USP42: variants seen among roughly 807,000 people sequenced by gnomAD.
The protein encoded by USP42 is ubiquitin specific peptidase 42.
Under a neutral mutation model 113.0 loss-of-function variants are expected in USP42, and 23 were observed. The observed-to-expected ratio is 0.20, with a 90% CI of 0.15 to 0.29. The LOEUF is 0.29. USP42 is among the 10% of genes least tolerant of loss of function. The pLI is 1.00. For missense variants in USP42, 2,174 were observed against 1,779.8 expected (o/e 1.22, Z -3.99); for synonymous variants, 933 against 699.0 (o/e 1.33, Z -5.28).
At chr7:6,093,964 A>G in the USP42 span, among the ~76,000 whole-genome samples, 1 of 149,100 alleles carries the variant, frequency 6.7e-6, no homozygotes, top group African/African-American at 2.5e-5. Context: ...ATGTGGGCTC[A>G]CTGCAACCTC....
intron 3 of USP42, among the ~76,000 whole-genome samples, chr7:6,118,768 C>T (rs763337470): frequency 2.6e-5 from 4 of 152,062 alleles, no homozygotes; most frequent in Middle Eastern, 3.4e-3. Context: ...TGTCTTTGCA[C>T]CTTTATCAAA....
At position 6,157,148 on chromosome 7, in the gene USP42, G is replaced by A; in HGVS notation, c.3943+93G>A. On this transcript the variant is annotated intron_variant, in intron 16 of 17. Transcript: ENST00000306177. This position sits in a 1 kb window ranked among gnomAD's most constrained non-coding sequence, Gnocchi z 4.1. ...ATTAACATGTAGAAAGAAAACCTCA[G>A]GTGGCATCAAAGGGCACAGTTACTC... 4 of 1,446,776 alleles carry A rather than the reference G, an allele frequency of 2.8e-6. No individual in the cohort carries two copies. The highest frequency in any genetic ancestry group is 3.0e-5 in the South Asian group (2 of 67,170). 89.6% of individuals were successfully genotyped at this position (1,446,776 alleles called of 1,614,324 possible). A position where few individuals can be genotyped will look rare whatever the true frequency, so the allele number is the denominator to read the frequency against.
upstream of USP42, among the ~76,000 whole-genome samples, chr7:6,100,357 T>C (rs915466605): frequency 6.7e-6 from 1 of 150,150 alleles, no homozygotes; most frequent in Admixed American, 6.6e-5. Context: ...AATACGGAGT[T>C]TCGCTCTTGT....
rs1248851846 is a variant in USP42 at position 6,140,173 on chromosome 7, T to C, written c.702T>C (p.Phe234=). Residue 234 remains phenylalanine, a synonymous_variant, in exon 6 of 18, where the codon TTT becomes TTC. Coordinates refer to ENST00000306177, the MANE Select transcript of USP42 (RefSeq NM_032172.3). ...CCACCACTCTTGTTTGTCAGATATT[T>C]GGAGGATACCTAAGATCTAGAGGTA... The part of the protein sequence containing the change: ...TQATTLVCQI[F]GGYLRSRVKC... 6.2e-7 allele frequency: 1 copy of C among 1,613,910 alleles called. No homozygotes were observed. Among genetic ancestry groups the C allele is most frequent in the Admixed American group, 1.7e-5 (1 of 60,026 alleles).
At chr7:6,122,821 C>T (rs1298137872) in intron 3 of USP42, among the ~76,000 whole-genome samples, 1 of 151,512 alleles carries the variant, frequency 6.6e-6, no homozygotes, top group African/African-American at 2.4e-5. Context: ...TCAGGCTCAT[C>T]TCAAACTCCT....
the USP42 span, among the ~76,000 whole-genome samples, chr7:6,082,938 CAT>C: frequency 0.03 from 4,389 of 144,460 alleles, 229 homozygotes; most frequent in Middle Eastern, 0.071. Flanking sequence ...TATATAGATA[CAT>C]ATATATATAT....
chr7:6,150,279 A>G lies in USP42; in HGVS notation c.2083A>G (p.Lys695Glu), dbSNP rs754423788. The G allele has an allele frequency of 1.2e-6, 2 of 1,613,296 alleles. No individual in the cohort carries two copies. Among genetic ancestry groups the G allele is most frequent in the Non-Finnish European group, 1.7e-6 (2 of 1,179,746 alleles). The change falls in exon 13 of 18, where the codon AAG becomes GAG. Residue 695 changes from lysine to glutamate, a missense_variant. Lys to Glu is a moderately conservative substitution (Grantham distance 56). Coordinates refer to ENST00000306177, the MANE Select transcript of USP42 (RefSeq NM_032172.3). ...PALHSENPFA[K>E]ANGLPGKLMP... is the part of the protein sequence containing the mutation. The stretch of plus-strand genomic sequence containing the variant: ...CCTGCACTCAGAAAATCCCTTTGCT[A>G]AGGCAAACGGTCTTCCTGGAAAGGT...
At chr7:6,102,674 T>A (rs925983962), upstream of USP42, among the ~76,000 whole-genome samples, 1 of 150,366 alleles carries the variant, frequency 6.7e-6, no homozygotes, top group South Asian at 2.1e-4. Flanking sequence ...GCAGCATGGG[T>A]GGGCTTTCTA....
At chr7:6,091,523 C>T in the USP42 span, among the ~76,000 whole-genome samples, 1,994 of 150,880 alleles carry the variant, frequency 0.013, 39 homozygotes, top group Middle Eastern at 0.037. Context: ...CCGCCATGCC[C>T]AGTGCCATAC....
intron 17 of USP42, among the ~76,000 whole-genome samples, 165 bp from the exon 18 acceptor site, chr7:6,160,390 C>A (rs886501948): frequency 6.6e-6 from 1 of 151,140 alleles, no homozygotes; most frequent in African/African-American, 2.5e-5. Context: ...GCTGCCCGCA[C>A]CGCCAGTTCC....
chr7:6,135,754 A>T, intron 3 of USP42, 87 bp from the exon 4 acceptor site: 1 of 554,236 alleles, frequency 1.8e-6, no homozygotes, highest in Non-Finnish European at 3.0e-6. Context: ...ATTTCATTTC[A>T]GGTGTGTGCC....
At chr7:6,144,923 G>A (rs1781627173) in intron 9 of USP42, among the ~76,000 whole-genome samples, 1 of 152,004 alleles carries the variant, frequency 6.6e-6, no homozygotes, top group Non-Finnish European at 1.5e-5. Context: ...GTCCTTTGAT[G>A]GGTTTGAAGA....
intron 3 of USP42, among the ~76,000 whole-genome samples, chr7:6,119,850 T>A (rs932265031): frequency 1.3e-5 from 2 of 152,154 alleles, no homozygotes; most frequent in East Asian, 1.9e-4. Flanking sequence ...ACTACAGGCA[T>A]GTGCTACAAC....
At chr7:6,125,822 T>G (rs936754947) in intron 3 of USP42, among the ~76,000 whole-genome samples, 13 of 151,390 alleles carry the variant, frequency 8.6e-5, no homozygotes, top group African/African-American at 9.7e-5. Context: ...TAGTTTTTGT[T>G]TTTTTTTTGG....
rs780672578 is a variant in USP42, at chr7:6,154,781, C to G, written c.3227C>G (p.Pro1076Arg). ...CTGTACGCTGCCCGGGACTGGAAGC[C>G]CTTCCACGGCGGCCGCGAGCACGAG... ...YALYAARDWKPFHGGREHERA... is the reference protein window; with the variant it reads ...YALYAARDWKRFHGGREHERA... Residue 1076 changes from proline to arginine, a missense_variant, in exon 15 of 18, where the codon CCC becomes CGC. Physicochemically the swap from Pro to Arg is moderately radical, Grantham distance 103. Transcript: ENST00000306177. 8 of 1,550,654 alleles carry G rather than the reference C, an allele frequency of 5.2e-6. No individual in the cohort carries two copies. The East Asian group carries it at 1.5e-4, about 28-fold the overall frequency.
chr7:6,146,980 C>G (rs553036342), intron 11 of USP42, among the ~76,000 whole-genome samples: 7 of 152,400 alleles, frequency 4.6e-5, no homozygotes, highest in Middle Eastern at 3.4e-3. Context: ...GCACCCAGCT[C>G]TGTCCTGTTG....
At chr7:6,116,862 G>C (rs1394874257) in intron 3 of USP42, 1 of 532,844 alleles carries the variant, frequency 1.9e-6, no homozygotes, top group African/African-American at 1.9e-5. Flanking sequence ...GGGTGTGGAT[G>C]AAAACCCAGC....
At chr7:6,140,824 A>G in intron 6 of USP42, 90 bp from the exon 7 acceptor site, 1 of 773,456 alleles carries the variant, frequency 1.3e-6, no homozygotes, top group Non-Finnish European at 2.1e-6. Context: ...AAAAATTTTA[A>G]ATTTCAAAAT....
At chr7:6,138,407 A>G (rs959104493) in intron 4 of USP42, among the ~76,000 whole-genome samples, 1 of 152,198 alleles carries the variant, frequency 6.6e-6, no homozygotes, top group Non-Finnish European at 1.5e-5. Context: ...TGGATTCTGT[A>G]TTATAGAGAT....
Sources: allele counts gnomAD v4.1 joint callset (sites outside exome capture counted in the v4.1 genomes callset), GRCh38; gene constraint gnomAD v4.1.1; non-coding constraint Gnocchi (gnomAD v3.1); transcripts MANE v1.5; gene names NCBI Gene and HGNC (gene_info 2026-07-23, HGNC 2026-07-21).